TMEM67: variants seen among roughly 807,000 people sequenced by gnomAD.
TMEM67 encodes meckelin.
TMEM67 carries 124 observed loss-of-function variants against 136.6 expected under a neutral mutation model. The ratio of observed to expected loss-of-function variants is 0.91; its 90% CI spans 0.78 to 1.05. TMEM67 has a LOEUF of 1.05. TMEM67 is among the 50% of genes least tolerant of loss of function. TMEM67 has a pLI of 0.00. For synonymous variants in TMEM67, 364 were observed against 390.5 expected (o/e 0.93, Z 0.80); for missense variants, 1,107 against 1,178.4 (o/e 0.94, Z 0.89).
At chr8:93,827,744 C>T in the TMEM67 span, among the ~76,000 whole-genome samples, 1 of 151,674 alleles carries the variant, frequency 6.6e-6, no homozygotes, top group African/African-American at 2.4e-5. Flanking sequence ...AGGCATGAGC[C>T]ACCGTGCCTG....
intron 17 of TMEM67, 152 bp from the exon 18 acceptor site, chr8:93,795,749 G>A (rs1814582126): frequency 4.5e-6 from 3 of 672,674 alleles, no homozygotes; most frequent in South Asian, 3.7e-5. Flanking sequence ...GACTTAGGTG[G>A]GAGGATCCTG....
In TMEM67 at chr8:93,808,915, A is replaced by G; in HGVS notation, c.2515A>G (p.Met839Val). The part of the protein sequence containing the change: ...QTFEIAISNQ[M>V]RQHYDRIHET... ...TTTTGAGATTGCAATTTCTAACCAG[A>G]TGAGACAACATTATGACAGAATTCA... The change falls in exon 24 of 28, where the codon ATG becomes GTG. Residue 839 changes from methionine (M) to valine (V), a missense_variant. Around this residue, in one of 3 missense-constraint regions of TMEM67, gnomAD observed 925 missense variants for 1,002.4 expected, o/e 0.92. Transcript: ENST00000453321. 6.2e-7 allele frequency: 1 copy of G among 1,612,474 alleles called. No homozygotes were observed. The highest frequency in any genetic ancestry group is 8.5e-7 in the Non-Finnish European group (1 of 1,178,668).
chr8:93,757,972 G>T (rs750687315), intron 2 of TMEM67, among the ~76,000 whole-genome samples: 1 of 152,078 alleles, frequency 6.6e-6, no homozygotes, highest in Non-Finnish European at 1.5e-5. Flanking sequence ...GGCCAGGCTG[G>T]CCTCAAGCTT....
At chr8:93,774,861 T>C (rs1813471534) in intron 7 of TMEM67, among the ~76,000 whole-genome samples, 1 of 152,212 alleles carries the variant, frequency 6.6e-6, no homozygotes, top group South Asian at 2.1e-4. Context: ...TTATAATCCT[T>C]TGGGTATATA....
At chr8:93,801,086 G>A (rs924725677) in intron 21 of TMEM67, among the ~76,000 whole-genome samples, 1 of 151,882 alleles carries the variant, frequency 6.6e-6, no homozygotes, top group African/African-American at 2.4e-5. Flanking sequence ...TAAACAGAAA[G>A]AGTCCTTCTG....
intron 7 of TMEM67, among the ~76,000 whole-genome samples, chr8:93,773,936 G>A (rs575821829): frequency 2.6e-5 from 4 of 152,056 alleles, no homozygotes; most frequent in African/African-American, 9.6e-5. Context: ...TTCCCAAGTG[G>A]AAAGTTTATT....
Position 93,755,118 on chromosome 8 carries a change from C to A in TMEM67, c.204C>A (p.Asn68Lys). The A allele has an allele frequency of 6.2e-7, 1 of 1,614,160 alleles. No homozygotes were observed. Among genetic ancestry groups the A allele is most frequent in the South Asian group, 1.1e-5 (1 of 91,088 alleles). The change falls in exon 1 of 28, where the codon AAC (asparagine) becomes AAA (lysine). Residue 68 changes from asparagine (N) to lysine (K), a missense_variant. Around this residue, in one of 3 missense-constraint regions of TMEM67, gnomAD observed 178 missense variants for 159.2 expected, o/e 1.12. Transcript: ENST00000453321. ...TCTCGTGTGTTCCTTGTGGAGCTAA[C>A]CAGAGGCAAGATGCCCGAGGTAAGA... ...SALSCVPCGA[N>K]QRQDARGTSC...
chr8:93,802,802 C>CT (rs1184925874), intron 21 of TMEM67, among the ~76,000 whole-genome samples: 1 of 152,160 alleles, frequency 6.6e-6, no homozygotes, highest in Non-Finnish European at 1.5e-5. Context: ...CAGCAGTCGG[C>CT]TGGTGTAGAT....
At chr8:93,785,493 T>C (rs1814053827) in intron 12 of TMEM67, 115 bp downstream of exon 12, 1 of 1,118,158 alleles carries the variant, frequency 8.9e-7, no homozygotes. Flanking sequence ...TTCTCTCTTA[T>C]GTGGTTCTAT....
intron 18 of TMEM67, 152 bp from the exon 19 acceptor site, chr8:93,796,982 A>T: frequency 1.6e-6 from 1 of 633,632 alleles, no homozygotes; most frequent in East Asian, 2.8e-5. Context: ...GCTTCTAATG[A>T]TTCCTTAGTG....
chr8:93,826,224 G>A, the TMEM67 span, among the ~76,000 whole-genome samples: 1 of 131,584 alleles, frequency 7.6e-6, no homozygotes, highest in Non-Finnish European at 1.5e-5. Context: ...CCGCCTCCCA[G>A]GTTCACGCCA....
chr8:93,825,905 A>G, the TMEM67 span, among the ~76,000 whole-genome samples: 3 of 152,162 alleles, frequency 2.0e-5, no homozygotes, highest in African/African-American at 7.2e-5. Flanking sequence ...CAGCCTTCTC[A>G]TACAAAGTTA....
In TMEM67 at chr8:93,795,978, T is replaced by G; in HGVS notation, c.1851T>G (p.Phe617Leu). The change falls in exon 18 of 28, where the codon TTT becomes TTG. Residue 617 changes from phenylalanine (F) to leucine (L), a missense_variant. Transcript: ENST00000453321. ...ERFVTYVGCAFALKALQFLHK... is the reference protein window; with the variant it reads ...ERFVTYVGCALALKALQFLHK... ...TTGTCACTTATGTTGGATGTGCCTT[T>G]GCTCTGAAGGTAAGTTTTAAAGGAC... 2 of 1,612,378 alleles carry G rather than the reference T, an allele frequency of 1.2e-6. No homozygotes were observed. The highest frequency in any genetic ancestry group is 1.7e-6 in the Non-Finnish European group (2 of 1,178,466).
intron 3 of TMEM67, chr8:93,759,428 A>G (rs1586338096): frequency 6.8e-6 from 1 of 147,254 alleles, no homozygotes; most frequent in African/African-American, 2.5e-5. Flanking sequence ...GCGCCACTGC[A>G]CTCCAGCCTG....
At chr8:93,831,699 T>TGC in the TMEM67 span, among the ~76,000 whole-genome samples, 1 of 151,994 alleles carries the variant, frequency 6.6e-6, no homozygotes, top group Non-Finnish European at 1.5e-5. Flanking sequence ...TGTGTGTGTG[T>TGC]GTTTGTGCTT....
intron 7 of TMEM67, among the ~76,000 whole-genome samples, chr8:93,777,078 G>C (rs1813580563): frequency 6.6e-6 from 1 of 152,162 alleles, no homozygotes; most frequent in Non-Finnish European, 1.5e-5. Flanking sequence ...GTTTAGTCTT[G>C]GGAGGGTGTA....
chr8:93,795,848 C>CA, intron 17 of TMEM67, 53 bp from the exon 18 acceptor site: 13 of 1,368,820 alleles, frequency 9.5e-6, no homozygotes, highest in Admixed American at 3.8e-5. Context: ...AACAAACAAA[C>CA]AAACAAAAAA....
chr8:93,775,023 T>C (rs1813478161), intron 7 of TMEM67, among the ~76,000 whole-genome samples: 1 of 152,174 alleles, frequency 6.6e-6, no homozygotes, highest in African/African-American at 2.4e-5. Context: ...CATCTGTTGT[T>C]TCCTAACTTT....
intron 14 of TMEM67, among the ~76,000 whole-genome samples, chr8:93,789,756 A>G (rs1374685014): frequency 2.0e-5 from 3 of 151,528 alleles, no homozygotes; most frequent in Middle Eastern, 3.4e-3. Flanking sequence ...GCCTTGATAA[A>G]TTGAAAAATA....
Sources: gnomAD v4.1 joint callset for allele counts (sites outside exome capture counted in the v4.1 genomes callset) on GRCh38, gnomAD v4.1.1 for gene constraint, gnomAD v4.1.1 regional missense constraint, MANE v1.5 for transcripts, NCBI Gene and HGNC (gene_info 2026-07-23, HGNC 2026-07-21) for gene names.